Variants in SAMD4A observed in about 807,000 individuals in gnomAD.
SAMD4A encodes the protein protein Smaug homolog 1.
SAMD4A carries 33 observed loss-of-function variants against 81.3 expected under a neutral mutation model. The ratio of observed to expected loss-of-function variants is 0.41; its 90% CI spans 0.31 to 0.54. SAMD4A has a LOEUF of 0.54. Ranked by LOEUF, SAMD4A falls within the 20% of genes least tolerant of loss-of-function variation. SAMD4A has a pLI of 0.37. For missense variants in SAMD4A, 854 were observed against 951.1 expected (o/e 0.90, Z 1.34); for synonymous variants, 389 against 382.1 (o/e 1.02, Z -0.21).
intron 2 of SAMD4A, among the ~76,000 whole-genome samples, chr14:54,569,592 C>A (rs1469319419): frequency 6.6e-6 from 1 of 152,210 alleles, no homozygotes; most frequent in East Asian, 1.9e-4. Flanking sequence ...GCCTCCTTCA[C>A]TGGGGTGTGG....
chr14:54,774,840 G>A (rs72713435), intron 9 of SAMD4A, 94 bp from the exon 10 acceptor site: 221,833 of 1,017,562 alleles, frequency 0.22, 28,956 homozygotes, highest in Non-Finnish European at 0.23. Context: ...AAAAAATGAG[G>A]AGACCTCCAA....
intron 2 of SAMD4A, chr14:54,681,674 C>T (rs1017524867): frequency 1.6e-5 from 6 of 382,254 alleles, no homozygotes; most frequent in Non-Finnish European, 2.2e-5. Context: ...TTAAGTGATC[C>T]TCCCACTTTG....
At chr14:54,698,421 T>C (rs1028718855) in intron 2 of SAMD4A, among the ~76,000 whole-genome samples, 1 of 152,172 alleles carries the variant, frequency 6.6e-6, no homozygotes, top group African/African-American at 2.4e-5. Flanking sequence ...TTTGCCTACC[T>C]CCATTCTGCC....
chr14:54,615,206 AT>A (rs1280634778), intron 2 of SAMD4A, among the ~76,000 whole-genome samples: 1 of 152,174 alleles, frequency 6.6e-6, no homozygotes, highest in African/African-American at 2.4e-5. Flanking sequence ...TTACATGGCA[AT>A]TTTTGGCTGC....
At chr14:54,715,563 C>G (rs900683263) in intron 3 of SAMD4A, among the ~76,000 whole-genome samples, 14 of 152,116 alleles carry the variant, frequency 9.2e-5, no homozygotes, top group African/African-American at 2.7e-4. Context: ...TAACTGCTAC[C>G]TGGAGTGTGA....
intron 2 of SAMD4A, among the ~76,000 whole-genome samples, chr14:54,645,106 G>GT (rs561381172): frequency 4.4e-4 from 67 of 152,262 alleles, no homozygotes; most frequent in African/African-American, 1.6e-3. Flanking sequence ...AACTGGTGTA[G>GT]TTTTAAAAAT....
At chr14:54,687,964 C>A (rs1171269023) in intron 2 of SAMD4A, 1 of 985,928 alleles carries the variant, frequency 1.0e-6, no homozygotes, top group African/African-American at 1.7e-5. Flanking sequence ...TAATACCCAG[C>A]CAGACACTCA....
At chr14:54,619,444 TAGAG>T (rs747088634) in intron 2 of SAMD4A, among the ~76,000 whole-genome samples, 1 of 152,212 alleles carries the variant, frequency 6.6e-6, no homozygotes, top group Non-Finnish European at 1.5e-5. Flanking sequence ...AACATATTCT[TAGAG>T]GGAATGACTA....
At chr14:54,664,000 G>A (rs4898845) in intron 2 of SAMD4A, among the ~76,000 whole-genome samples, 21,868 of 152,220 alleles carry the variant, frequency 0.14, 2,516 homozygotes, top group African/African-American at 0.32. Context: ...ATGAGTGGGA[G>A]AAGGAGAGCT....
intron 6 of SAMD4A, among the ~76,000 whole-genome samples, chr14:54,752,188 C>G (rs923079840): frequency 6.6e-6 from 1 of 152,212 alleles, no homozygotes; most frequent in African/African-American, 2.4e-5. Context: ...CCTACTGTCC[C>G]ATTTTATTTG....
At chr14:54,709,013 C>T (rs555580552) in intron 3 of SAMD4A, among the ~76,000 whole-genome samples, 1 of 152,242 alleles carries the variant, frequency 6.6e-6, no homozygotes, top group African/African-American at 2.4e-5. Flanking sequence ...GATGCAGTGG[C>T]TCACTGTAAT....
At chr14:54,631,635 T>C (rs2034906299) in intron 2 of SAMD4A, among the ~76,000 whole-genome samples, 2 of 152,220 alleles carry the variant, frequency 1.3e-5, no homozygotes, top group African/African-American at 4.8e-5. Context: ...GAATCAATAA[T>C]AATTTTTATA....
chr14:54,669,940 C>G lies in SAMD4A; in HGVS notation c.197-32122C>G, dbSNP rs189207922. 2.8e-3 allele frequency among the ~76,000 whole-genome samples: 432 copies of G among 152,202 alleles called. 3 individuals carry two copies. Among genetic ancestry groups the G allele is most frequent in the African/African-American group, 9.9e-3 (411 of 41,544 alleles). Reference sequence around the variant, plus strand: ...GTTTTGAGGGATTCCCTTCTGCCCCCCCAGCCCCCTGGGGTGAAAAGCACT... The same window carrying G: ...GTTTTGAGGGATTCCCTTCTGCCCCGCCAGCCCCCTGGGGTGAAAAGCACT... On this transcript the variant is annotated intron_variant, in intron 2 of 12. Coordinates refer to ENST00000554335, the MANE Select transcript of SAMD4A (RefSeq NM_015589.6).
chr14:54,724,443 A>T (rs549934105), intron 3 of SAMD4A, among the ~76,000 whole-genome samples: 1 of 152,196 alleles, frequency 6.6e-6, no homozygotes, highest in Non-Finnish European at 1.5e-5. Flanking sequence ...GCATTAAATG[A>T]GGATTAAATG....
At chr14:54,603,790 TTTTA>T (rs1469859205) in intron 2 of SAMD4A, among the ~76,000 whole-genome samples, 6 of 151,704 alleles carry the variant, frequency 4.0e-5, no homozygotes, top group Non-Finnish European at 5.9e-5. Flanking sequence ...ATTTCCATTA[TTTTA>T]TTTGTTTGTT....
At chr14:54,661,695 G>A (rs143989325) in intron 2 of SAMD4A, among the ~76,000 whole-genome samples, 270 of 152,218 alleles carry the variant, frequency 1.8e-3, no homozygotes, top group African/African-American at 5.5e-3. Context: ...GACTATTCCC[G>A]GATATCTGAT....
At chr14:54,639,801 AACACACACAC>A (rs10677522) in intron 2 of SAMD4A, among the ~76,000 whole-genome samples, 3 of 148,844 alleles carry the variant, frequency 2.0e-5, no homozygotes, top group Non-Finnish European at 3.0e-5. Context: ...CATTGCTTGA[AACACACACAC>A]ACACACACAC....
At chr14:54,641,467 CTT>C (rs1301218556) in intron 2 of SAMD4A, among the ~76,000 whole-genome samples, 1 of 152,170 alleles carries the variant, frequency 6.6e-6, no homozygotes, top group African/African-American at 2.4e-5. Context: ...AGAATAGTCT[CTT>C]TGTCTCTTTT....
At chr14:54,694,517 T>G (rs1210849118) in intron 2 of SAMD4A, 568 of 519,222 alleles carry the variant, frequency 1.1e-3, no homozygotes, top group Non-Finnish European at 1.3e-3. Context: ...ATGTTGACTT[T>G]GAGATCATCT....
Sources: gnomAD v4.1 joint callset for allele counts (sites outside exome capture counted in the v4.1 genomes callset) on GRCh38, gnomAD v4.1.1 for gene constraint, MANE v1.5 for transcripts, NCBI Gene and HGNC (gene_info 2026-07-23, HGNC 2026-07-21) for gene names.